The following NTM variants were observed in gnomAD, a reference collection of about 807,000 sequenced individuals.
NTM encodes the protein neurotrimin.
Under a neutral mutation model 42.1 loss-of-function variants are expected in NTM, and 13 were observed. The ratio of observed to expected loss-of-function variants is 0.31; its 90% confidence interval spans 0.20 to 0.49. The LOEUF (loss-of-function observed/expected upper bound fraction) is 0.49, where lower values mean the gene tolerates loss of function less well. Among genes scored for constraint, NTM ranks in the 20% least tolerant of loss-of-function variants. NTM has a pLI of 0.99. For missense variants in NTM, 373 were observed against 452.8 expected (o/e 0.82, Z 1.60); for synonymous variants, 187 against 179.2 (o/e 1.04, Z -0.35).
At chr11:132,070,099 G>A (rs545722495) in intron 2 of NTM, among the ~76,000 whole-genome samples, 1 of 133,160 alleles carries the variant, frequency 7.5e-6, no homozygotes, top group Non-Finnish European at 1.5e-5. Flanking sequence ...AAGTTAACAC[G>A]TCAAACTGAC....
chr11:131,632,698 G>A (rs1433555023), intron 1 of NTM, among the ~76,000 whole-genome samples: 206 of 6,402 alleles, frequency 0.032, 3 homozygotes, highest in African/African-American at 0.07. Flanking sequence ...TTTTTGAGAC[G>A]GAGTTTCGCT....
chr11:131,507,954 C>T (rs2047705314), intron 1 of NTM, among the ~76,000 whole-genome samples: 1 of 152,130 alleles, frequency 6.6e-6, no homozygotes, highest in African/African-American at 2.4e-5. Flanking sequence ...CTAGGCATTA[C>T]CATTCAGGAC....
intron 1 of NTM, among the ~76,000 whole-genome samples, chr11:131,628,456 G>A (rs139902201): frequency 1.3e-4 from 20 of 152,220 alleles, no homozygotes; most frequent in Non-Finnish European, 1.9e-4. Context: ...TTGCCCAAGC[G>A]CACAGACATT....
intron 1 of NTM, among the ~76,000 whole-genome samples, chr11:131,859,004 A>G (rs984566422): frequency 6.6e-6 from 1 of 152,164 alleles, no homozygotes; most frequent in Admixed American, 6.5e-5. Flanking sequence ...AACCTCAGCC[A>G]GTCAGAGTTT....
At chr11:131,558,165 G>C (rs538934666) in intron 1 of NTM, among the ~76,000 whole-genome samples, 1 of 152,306 alleles carries the variant, frequency 6.6e-6, no homozygotes, top group Non-Finnish European at 1.5e-5. Flanking sequence ...ATGTGGGCCT[G>C]TACTGAAGTT....
chr11:131,818,471 G>C (rs1429794369), intron 1 of NTM, among the ~76,000 whole-genome samples: 1 of 152,116 alleles, frequency 6.6e-6, no homozygotes, highest in Non-Finnish European at 1.5e-5. Context: ...CCATGGATTT[G>C]TATAGCTGGA....
At chr11:131,889,789 C>T (rs774223580) in intron 1 of NTM, among the ~76,000 whole-genome samples, 2 of 152,068 alleles carry the variant, frequency 1.3e-5, no homozygotes, top group African/African-American at 2.4e-5. Flanking sequence ...TACAGGAACC[C>T]AAGAGGCATG....
chr11:131,984,400 T>C (rs1337005363), intron 2 of NTM: 2 of 152,390 alleles, frequency 1.3e-5, no homozygotes, highest in African/African-American at 2.4e-5. Flanking sequence ...CAGTTACTGG[T>C]TCATGGGTGA....
chr11:131,396,781 C>T (rs537628581), intron 1 of NTM, among the ~76,000 whole-genome samples: 1 of 151,982 alleles, frequency 6.6e-6, no homozygotes, highest in South Asian at 2.1e-4. Context: ...TTGCAGTGAG[C>T]TGAGATTGTG....
At chr11:131,711,622 C>A (rs1345434285) in intron 1 of NTM, among the ~76,000 whole-genome samples, 1 of 152,050 alleles carries the variant, frequency 6.6e-6, no homozygotes, top group African/African-American at 2.4e-5. Context: ...CCAGCCATCC[C>A]ATTACTGGGT....
At chr11:131,508,908 A>G in intron 1 of NTM, among the ~76,000 whole-genome samples, 1 of 138,182 alleles carries the variant, frequency 7.2e-6, no homozygotes, top group African/African-American at 2.7e-5. Flanking sequence ...GGGGGGAGGG[A>G]TAGCACTGGG....
intron 1 of NTM, among the ~76,000 whole-genome samples, chr11:131,680,743 C>G (rs1427096951): frequency 6.8e-6 from 1 of 147,348 alleles, no homozygotes; most frequent in African/African-American, 2.5e-5. Context: ...GCATGTGTGC[C>G]TCTGTGTCTG....
chr11:132,005,681 G>A (rs1022132439), intron 2 of NTM, among the ~76,000 whole-genome samples: 5 of 152,088 alleles, frequency 3.3e-5, no homozygotes, highest in East Asian at 3.9e-4. Flanking sequence ...TGCTAATTGT[G>A]TGGTGTTGTT....
chr11:131,986,550 C>T (rs1254607780), intron 2 of NTM, among the ~76,000 whole-genome samples: 1 of 152,208 alleles, frequency 6.6e-6, no homozygotes, highest in Non-Finnish European at 1.5e-5. Context: ...CATTTATACA[C>T]AACTCACCAG....
chr11:131,722,045 C>T (rs2078423704), intron 1 of NTM, among the ~76,000 whole-genome samples: 1 of 136,350 alleles, frequency 7.3e-6, no homozygotes, highest in Non-Finnish European at 1.6e-5. Flanking sequence ...GAAAATAATG[C>T]TTGTAAAGCA....
chr11:131,400,313 G>A (rs1591561964), intron 1 of NTM, among the ~76,000 whole-genome samples: 1 of 152,160 alleles, frequency 6.6e-6, no homozygotes, highest in Non-Finnish European at 1.5e-5. Context: ...GGGCTCTGCT[G>A]GGGCTTTTAT....
chr11:131,477,970 A>T, intron 1 of NTM, among the ~76,000 whole-genome samples: 1 of 152,040 alleles, frequency 6.6e-6, no homozygotes, highest in Non-Finnish European at 1.5e-5. Flanking sequence ...GGTTACACAC[A>T]GTGACTTTCT....
intron 1 of NTM, among the ~76,000 whole-genome samples, chr11:131,463,008 A>G (rs551919534): frequency 6.7e-6 from 1 of 149,846 alleles, no homozygotes; most frequent in Admixed American, 6.6e-5. Flanking sequence ...TTCAAATACA[A>G]CCTCTCCACA....
chr11:131,794,273 A>G (rs181549306), intron 1 of NTM, among the ~76,000 whole-genome samples: 9 of 152,270 alleles, frequency 5.9e-5, no homozygotes, highest in Admixed American at 5.9e-4. Flanking sequence ...TGTTTTGAGT[A>G]CAAGCCAATC....
Sources: allele counts gnomAD v4.1 joint callset (sites outside exome capture counted in the v4.1 genomes callset), GRCh38; gene constraint gnomAD v4.1.1; transcripts MANE v1.5; gene names NCBI Gene and HGNC (gene_info 2026-07-23, HGNC 2026-07-21).